ITGA11: variants seen among roughly 807,000 people sequenced by gnomAD.
The protein encoded by ITGA11 is integrin subunit alpha 11, also known as integrin alpha-11.
Under a neutral mutation model 141.9 loss-of-function variants are expected in ITGA11, and 97 were observed. That is an observed-to-expected ratio of 0.68 (90% CI 0.58 to 0.81). The LOEUF is 0.81. ITGA11 is among the 30% of genes least tolerant of loss of function. The pLI, the probability that ITGA11 is intolerant of heterozygous loss-of-function variation, is 0.00. For missense variants in ITGA11, 1,387 were observed against 1,559.2 expected, an observed-to-expected ratio of 0.89 and a Z score of 1.86; for synonymous variants, 658 against 624.6, an observed-to-expected ratio of 1.05 and a Z score of -0.80.
chr15:68,410,715 G>C (rs1378177412), intron 1 of ITGA11, among the ~76,000 whole-genome samples: 1 of 152,204 alleles, frequency 6.6e-6, no homozygotes, highest in Non-Finnish European at 1.5e-5. Flanking sequence ...ATCTAGGAAG[G>C]CAATGCTAGA....
chr15:68,326,543 C>T lies in ITGA11; in HGVS notation c.2211+111G>A. 1 of 1,253,050 alleles carries T rather than the reference C, an allele frequency of 8.0e-7. No individual in the cohort carries two copies. Among genetic ancestry groups the T allele is most frequent in the Non-Finnish European group, 1.1e-6 (1 of 923,574 alleles). 77.6% of individuals were successfully genotyped at this position (1,253,050 alleles called of 1,614,324 possible). The stretch of plus-strand genomic sequence containing the variant: ...AGGGTACACTGTCCCTGGCTGGCTT[C>T]CTGAGGTCTGCTGGGGGCTTAGAAC... On this transcript the variant is annotated intron_variant, in intron 17 of 29. Coordinates refer to ENST00000315757, the MANE Select transcript of ITGA11 (RefSeq NM_001004439.2). This position sits in a 1 kb window ranked among gnomAD's most constrained non-coding sequence, Gnocchi z 6.8.
intron 2 of ITGA11, among the ~76,000 whole-genome samples, chr15:68,384,910 G>A (rs565106894): frequency 1.3e-5 from 2 of 152,338 alleles, no homozygotes; most frequent in Non-Finnish European, 2.9e-5. Context: ...TGATGAAAAA[G>A]GGCAGACTTG....
intron 28 of ITGA11, among the ~76,000 whole-genome samples, chr15:68,306,423 G>A (rs898877420): frequency 6.6e-6 from 1 of 152,046 alleles, no homozygotes; most frequent in African/African-American, 2.4e-5. Context: ...TTCAAGATTC[G>A]GTTCAAACAG....
At chr15:68,403,058 C>G (rs1896550003) in intron 1 of ITGA11, 29 bp from the exon 2 acceptor site, 1 of 1,480,110 alleles carries the variant, frequency 6.8e-7, no homozygotes, top group South Asian at 1.2e-5. Context: ...AGAGGAGAAG[C>G]AGGGGAGTCA....
At chr15:68,351,049 G>T (rs184868553) in intron 8 of ITGA11, among the ~76,000 whole-genome samples, 19 of 152,298 alleles carry the variant, frequency 1.2e-4, no homozygotes, top group African/African-American at 4.1e-4. Context: ...GGCAATGGAT[G>T]GGGGGAAACA....
chr15:68,408,663 G>T (rs1025973056), intron 1 of ITGA11, among the ~76,000 whole-genome samples: 2 of 152,190 alleles, frequency 1.3e-5, no homozygotes, highest in East Asian at 3.9e-4. Context: ...GCCTTGAAGG[G>T]CCATGTGGAG....
At chr15:68,306,061 G>T (rs899012651) in intron 28 of ITGA11, among the ~76,000 whole-genome samples, 7 of 151,402 alleles carry the variant, frequency 4.6e-5, no homozygotes, top group Non-Finnish European at 8.9e-5. Context: ...GTAGTGGCGG[G>T]CGCCTGTAAT....
At chr15:68,359,761 C>T (rs1367142602) in intron 5 of ITGA11, among the ~76,000 whole-genome samples, 2 of 152,060 alleles carry the variant, frequency 1.3e-5, no homozygotes, top group Non-Finnish European at 2.9e-5. Flanking sequence ...AAAAAACCCT[C>T]CTCTTTTAAA....
chr15:68,415,035 C>A (rs1896855925), intron 1 of ITGA11, among the ~76,000 whole-genome samples: 1 of 152,162 alleles, frequency 6.6e-6, no homozygotes, highest in Non-Finnish European at 1.5e-5. Context: ...GCAAAAGACC[C>A]CCCTGTTTTC....
At position 68,357,352 on chromosome 15, in the gene ITGA11, A is replaced by G. The variant is rs1895103884; in HGVS notation, c.601-53T>C. 7 of 1,571,192 alleles carry G rather than the reference A, an allele frequency of 4.5e-6. No individual in the cohort carries two copies. The Admixed American group carries it at 5.7e-5, about 13-fold the overall frequency. On this transcript the variant is annotated intron_variant, in intron 6 of 29. Transcript: ENST00000315757. ...ACATTTTGACCCCATGAACCCATGA[A>G]CCTTAGAATTTGAGAGTGAGGATCC...
chr15:68,340,525 C>T (rs960420287), intron 10 of ITGA11, among the ~76,000 whole-genome samples: 6 of 152,076 alleles, frequency 3.9e-5, no homozygotes, highest in African/African-American at 1.4e-4. Context: ...TGACATGAGG[C>T]TGGACAGATA....
intron 25 of ITGA11, 54 bp downstream of exon 25, chr15:68,311,236 G>C (rs1030260921): frequency 1.5e-6 from 2 of 1,338,248 alleles, no homozygotes; most frequent in Non-Finnish European, 2.1e-6. Context: ...CGTAGGGGGA[G>C]TGTCTGTCTC....
intron 7 of ITGA11, among the ~76,000 whole-genome samples, chr15:68,353,367 G>C (rs968077891): frequency 1.3e-5 from 2 of 152,162 alleles, no homozygotes; most frequent in African/African-American, 4.8e-5. Context: ...GACGAGAGCA[G>C]GTTTCGAGCT....
In ITGA11 at chr15:68,308,565, C is replaced by T. The variant is rs926810602; in HGVS notation, c.3175-869G>A. Among the ~76,000 whole-genome samples the T allele has an allele frequency of 8.5e-5, 13 of 152,186 alleles. No individual in the cohort carries two copies. The highest frequency in any genetic ancestry group is 7.2e-4 in the Admixed American group (11 of 15,276). ...GACCATCCTGGCTAACACAGTGAAA[C>T]CCCGTCTCTATTAAAAAAATACAAA... On this transcript the variant is annotated intron_variant, in intron 26 of 29. Coordinates refer to ENST00000315757, the MANE Select transcript of ITGA11 (RefSeq NM_001004439.2). The surrounding 1 kb of genome is among the most constrained non-coding windows in gnomAD (Gnocchi z 5.2).
In ITGA11 at chr15:68,332,564, A is replaced by T. The variant is rs369559972; in HGVS notation, c.1426-86T>A. 3.0e-4 allele frequency: 445 copies of T among 1,473,060 alleles called. 2 individuals are homozygous for T. In the African/African-American group the frequency reaches 5.5e-3, roughly 18 times the overall value. 91.2% of individuals were successfully genotyped at this position (1,473,060 alleles called of 1,614,324 possible). A position where few individuals can be genotyped will look rare whatever the true frequency, so the allele number is the denominator to read the frequency against. ...CTCGCCTCGCGGGCAGAGGGAAGCC[A>T]AGGTCATCCTTTGACTCAGAATTTT... On this transcript the variant is annotated intron_variant, in intron 12 of 29. Transcript: ENST00000315757.
chr15:68,376,745 A>T (rs1895738051), intron 2 of ITGA11, among the ~76,000 whole-genome samples: 1 of 152,250 alleles, frequency 6.6e-6, no homozygotes, highest in South Asian at 2.1e-4. Flanking sequence ...TCATCTACCC[A>T]AAGGGACTGA....
intron 11 of ITGA11, among the ~76,000 whole-genome samples, chr15:68,336,826 ACT>A (rs1894375882): frequency 6.6e-6 from 1 of 152,178 alleles, no homozygotes; most frequent in Admixed American, 6.5e-5. Context: ...TGTGTGTAAC[ACT>A]GTCACTTGGG....
In ITGA11 at chr15:68,313,706, T is replaced by C. The variant is rs189731177; in HGVS notation, c.2882+73A>G. ...GGCCCTATTAGGGCCCATCAGAGGA[T>C]GCCCCCCCTTAGGCCTCCCTCCTCC... is the stretch of plus-strand genomic sequence containing the variant. On this transcript the variant is annotated intron_variant, in intron 23 of 29. Coordinates refer to ENST00000315757, the MANE Select transcript of ITGA11 (RefSeq NM_001004439.2). The C allele has an allele frequency of 2.6e-6, 3 of 1,145,808 alleles. No individual in the cohort carries two copies. The African/African-American group carries it at 4.6e-5, about 17-fold the overall frequency. The allele number at this position is 1,145,808 out of a possible 1,614,324, so 71.0% of individuals were successfully genotyped here.
Position 68,350,961 on chromosome 15 carries a change from C to T in ITGA11, c.895-179G>A, listed in dbSNP as rs541248075. ...ACTCTCTTTTAGGGGCAAGATAAAG[C>T]CCTTGTGCTAAGTTAGGGTCTGGGA... On this transcript the variant is annotated intron_variant, in intron 8 of 29. Transcript: ENST00000315757. Among the ~76,000 whole-genome samples the T allele has an allele frequency of 1.9e-3, 284 of 152,240 alleles. 2 individuals carry two copies. Among genetic ancestry groups the T allele is most frequent in the African/African-American group, 6.3e-3 (261 of 41,526 alleles).
Sources: gnomAD v4.1 joint callset for allele counts (sites outside exome capture counted in the v4.1 genomes callset) on GRCh38, gnomAD v4.1.1 for gene constraint, Gnocchi (gnomAD v3.1) non-coding constraint, MANE v1.5 for transcripts, NCBI Gene and HGNC (gene_info 2026-07-23, HGNC 2026-07-21) for gene names.